The following DOCK11 variants were observed in gnomAD, a reference collection of about 807,000 sequenced individuals.
DOCK11 encodes dedicator of cytokinesis protein 11.
Under a neutral mutation model 169.1 loss-of-function variants are expected in DOCK11, and 70 were observed. The observed-to-expected ratio is 0.41, with a 90% CI of 0.34 to 0.51. The LOEUF (loss-of-function observed/expected upper bound fraction) is 0.51, where lower values mean the gene tolerates loss of function less well. Among genes scored for constraint, DOCK11 ranks in the 20% least tolerant of loss-of-function variants. The pLI is 0.10. For synonymous variants in DOCK11, 529 were observed against 541.3 expected (o/e 0.98, Z 0.32); for missense variants, 1,166 against 1,538.8 (o/e 0.76, Z 4.05).
intron 7 of DOCK11, among the ~76,000 whole-genome samples, chrX:118,565,390 G>T (rs1276021465): frequency 8.9e-6 from 1 of 111,869 alleles, no homozygotes; most frequent in Non-Finnish European, 1.9e-5. Context: ...ATTGTGTTAG[G>T]AACATTCCAA....
chrX:118,503,247 G>C (rs1319394317), intron 1 of DOCK11, among the ~76,000 whole-genome samples: 1 of 109,885 alleles, frequency 9.1e-6, no homozygotes, highest in East Asian at 2.8e-4. Flanking sequence ...TTTTAGTAGA[G>C]ATGGGGTTTC....
chrX:118,627,077 A>C (rs2015124576), intron 32 of DOCK11, among the ~76,000 whole-genome samples: 1 of 111,763 alleles, frequency 8.9e-6, no homozygotes, highest in East Asian at 2.8e-4. Flanking sequence ...AAAAATGAAA[A>C]ATTAGCTGGG....
chrX:118,648,233 T>A (rs1363548799), intron 40 of DOCK11, among the ~76,000 whole-genome samples: 1 of 85,354 alleles, frequency 1.2e-5, no homozygotes, highest in African/African-American at 4.4e-5. Context: ...TAATATAATA[T>A]ATATATAAAA....
chrX:118,536,953 T>A (rs1244687777), intron 1 of DOCK11, among the ~76,000 whole-genome samples: 12 of 111,634 alleles, frequency 1.1e-4, no homozygotes, highest in Non-Finnish European at 3.8e-5. Flanking sequence ...TACAAATGTC[T>A]GAGAGGAAAG....
In DOCK11 at chrX:118,528,296, C is replaced by T. The variant is rs761996360; in HGVS notation, c.103-14429C>T. Among the ~76,000 whole-genome samples the T allele has an allele frequency of 7.1e-5, 8 of 112,350 alleles. No individual in the cohort carries two copies. The South Asian group carries it at 2.2e-3, about 31-fold the overall frequency. ...TTGGGATTTTCTCCAGCAGCAGCTG[C>T]AAAGGCTGGAAGCCCCTTGGAGAAG... On this transcript the variant is annotated intron_variant, in intron 1 of 52. Coordinates refer to ENST00000276202, the MANE Select transcript of DOCK11 (RefSeq NM_144658.4).
rs548653864 is a variant in DOCK11 at position 118,602,614 on chromosome X, C to T, written c.2563-2624C>T. The stretch of plus-strand genomic sequence containing the variant: ...GGAGTGCAATGGTATGAACTCAGCT[C>T]ACTGCAACCTCTGCCTCCCGGGTTC... On this transcript the variant is annotated intron_variant, in intron 23 of 52. Transcript: ENST00000276202. Among the ~76,000 whole-genome samples, 35 of 110,032 alleles carry T rather than the reference C, an allele frequency of 3.2e-4. No homozygotes were observed. In the South Asian group the frequency reaches 0.013, roughly 42 times the overall value.
chrX:118,553,657 C>T (rs1241763203), intron 6 of DOCK11, among the ~76,000 whole-genome samples: 1 of 111,720 alleles, frequency 9.0e-6, no homozygotes, highest in Non-Finnish European at 1.9e-5. Flanking sequence ...TCCTCCTCTG[C>T]AGTGGGAGAA....
chrX:118,511,603 T>C (rs1482818859), intron 1 of DOCK11, among the ~76,000 whole-genome samples: 1 of 112,037 alleles, frequency 8.9e-6, no homozygotes, highest in Non-Finnish European at 1.9e-5. Flanking sequence ...TTTTCTCTAT[T>C]GGCTGTCAGC....
intron 1 of DOCK11, among the ~76,000 whole-genome samples, chrX:118,506,890 C>A (rs965752817): frequency 2.7e-5 from 3 of 111,064 alleles, no homozygotes; most frequent in Admixed American, 9.6e-5. Flanking sequence ...TCAAGACCAG[C>A]CTGGGCAACA....
intron 1 of DOCK11, among the ~76,000 whole-genome samples, chrX:118,539,430 G>A (rs981503331): frequency 9.0e-6 from 1 of 110,959 alleles, no homozygotes; most frequent in Non-Finnish European, 1.9e-5. Flanking sequence ...CCAGGGGCTG[G>A]GGGCAAAGTG....
chrX:118,544,701 C>T (rs1331866383), intron 4 of DOCK11, among the ~76,000 whole-genome samples: 3 of 79,493 alleles, frequency 3.8e-5, no homozygotes, highest in African/African-American at 1.4e-4. Context: ...GCTCTTGTCA[C>T]CCAGGCTGGA....
intron 9 of DOCK11, among the ~76,000 whole-genome samples, chrX:118,567,432 A>ATTT (rs746150692): frequency 1.1e-5 from 1 of 92,321 alleles, no homozygotes; most frequent in Non-Finnish European, 2.2e-5. Flanking sequence ...CTAATCTAGG[A>ATTT]TTTTTTTTTT....
chrX:118,564,109 G>C (rs754492074), intron 7 of DOCK11, among the ~76,000 whole-genome samples: 14 of 112,030 alleles, frequency 1.2e-4, no homozygotes, highest in Non-Finnish European at 2.1e-4. Flanking sequence ...GTCTCTGTCA[G>C]AGATGGGGTT....
At chrX:118,575,096 A>G (rs2013403932) in intron 12 of DOCK11, among the ~76,000 whole-genome samples, 1 of 111,927 alleles carries the variant, frequency 8.9e-6, no homozygotes, top group South Asian at 3.7e-4. Context: ...TAATAAGTAC[A>G]TTCTTATGTA....
At chrX:118,545,675 G>A (rs1456315757) in intron 5 of DOCK11, among the ~76,000 whole-genome samples, 1 of 111,110 alleles carries the variant, frequency 9.0e-6, no homozygotes, top group African/African-American at 3.3e-5. Context: ...TTCTTGAGTT[G>A]GGCATGTGGT....
intron 24 of DOCK11, among the ~76,000 whole-genome samples, chrX:118,606,922 T>G (rs1217706043): frequency 9.1e-6 from 1 of 110,427 alleles, no homozygotes; most frequent in Non-Finnish European, 1.9e-5. Flanking sequence ...TTGAGGACAC[T>G]GCTAGTCTCT....
chrX:118,522,114 T>A (rs1276410010), intron 1 of DOCK11, among the ~76,000 whole-genome samples: 1 of 110,329 alleles, frequency 9.1e-6, no homozygotes, highest in Non-Finnish European at 1.9e-5. Flanking sequence ...AGGCCAGGAG[T>A]TTGAGAACAG....
chrX:118,505,315 C>T (rs2057604126), intron 1 of DOCK11, among the ~76,000 whole-genome samples: 1 of 112,490 alleles, frequency 8.9e-6, no homozygotes, highest in Non-Finnish European at 1.9e-5. Flanking sequence ...GCGTGAGACA[C>T]CATGCCCAGC....
chrX:118,584,894 T>C (rs2013772452), intron 15 of DOCK11, 37 bp downstream of exon 15: 1 of 1,168,966 alleles, frequency 8.6e-7, no homozygotes, highest in Non-Finnish European at 1.1e-6. Flanking sequence ...GTAAATATAA[T>C]AGATGAATCC....
Sources: allele counts gnomAD v4.1 joint callset (sites outside exome capture counted in the v4.1 genomes callset), GRCh38; gene constraint gnomAD v4.1.1; transcripts MANE v1.5; gene names NCBI Gene and HGNC (gene_info 2026-07-23, HGNC 2026-07-21).